KIAA1328: variants seen among roughly 807,000 people sequenced by gnomAD.
KIAA1328 encodes protein hinderin.
In KIAA1328, 52 loss-of-function variants were observed where a neutral mutation model predicts 68.1. That is an observed-to-expected ratio of 0.76 (90% CI 0.61 to 0.96). The LOEUF (loss-of-function observed/expected upper bound fraction) is 0.96, where lower values mean the gene tolerates loss of function less well. Among genes scored for constraint, KIAA1328 ranks in the 40% least tolerant of loss-of-function variants. The probability of loss-of-function intolerance (pLI) is 0.00; values close to 1 mark genes in which losing one functional copy is unlikely to be tolerated. For synonymous variants in KIAA1328, 232 were observed against 239.4 expected (o/e 0.97, Z 0.28); for missense variants, 641 against 677.6 (o/e 0.95, Z 0.60).
intron 7 of KIAA1328, among the ~76,000 whole-genome samples, chr18:37,128,961 T>C (rs150400921): frequency 6.6e-6 from 1 of 152,230 alleles, no homozygotes; most frequent in African/African-American, 2.4e-5. Context: ...AAAGCAAAAC[T>C]ATGCAGACAG....
intron 9 of KIAA1328, among the ~76,000 whole-genome samples, chr18:37,218,992 T>C (rs1406644894): frequency 6.6e-6 from 1 of 152,058 alleles, no homozygotes; most frequent in Non-Finnish European, 1.5e-5. Context: ...ACAGATGGGG[T>C]TTTGGTGTTG....
intron 5 of KIAA1328, among the ~76,000 whole-genome samples, chr18:36,887,687 G>A (rs1004893667): frequency 2.0e-5 from 3 of 152,158 alleles, no homozygotes; most frequent in African/African-American, 7.2e-5. Flanking sequence ...AAGAAAGTGA[G>A]CATTTAGCTT....
chr18:37,224,757 G>A lies in KIAA1328; in HGVS notation c.*2530G>A. 1.0e-6 allele frequency: 1 copy of A among 985,380 alleles called. No individual in the cohort carries two copies. Among genetic ancestry groups the A allele is most frequent in the Non-Finnish European group, 1.2e-6 (1 of 829,928 alleles). The allele number at this position is 985,380 out of a possible 1,614,324, so 61.0% of individuals were successfully genotyped here. ...TTGGGATTTGCTCGTCCAGCCTCTAGACACTTCCCAAAGCAAGACTGGACA... is the reference window on the plus strand; with the variant it reads ...TTGGGATTTGCTCGTCCAGCCTCTAAACACTTCCCAAAGCAAGACTGGACA... On this transcript the variant is annotated 3_prime_UTR_variant, in exon 10 of 10. Coordinates refer to ENST00000280020, the MANE Select transcript of KIAA1328 (RefSeq NM_020776.3).
intron 9 of KIAA1328, among the ~76,000 whole-genome samples, chr18:37,196,807 A>G (rs1200317287): frequency 6.6e-6 from 1 of 151,834 alleles, no homozygotes; most frequent in Non-Finnish European, 1.5e-5. Flanking sequence ...TACTGTAAAT[A>G]TTTTCTCATC....
chr18:37,179,255 A>T (rs903077946), intron 9 of KIAA1328, among the ~76,000 whole-genome samples: 1 of 152,126 alleles, frequency 6.6e-6, no homozygotes, highest in East Asian at 1.9e-4. Context: ...ATCTGATGAG[A>T]GATAGGGAGT....
intron 9 of KIAA1328, among the ~76,000 whole-genome samples, chr18:37,184,625 G>A (rs1047787014): frequency 6.6e-6 from 1 of 152,146 alleles, no homozygotes; most frequent in African/African-American, 2.4e-5. Context: ...TGCCTCCACA[G>A]CTCGCTAGCA....
chr18:37,154,927 T>C (rs2059121987), intron 7 of KIAA1328, among the ~76,000 whole-genome samples: 1 of 152,174 alleles, frequency 6.6e-6, no homozygotes, highest in Non-Finnish European at 1.5e-5. Flanking sequence ...TGACCTATAC[T>C]ACATTAATAT....
At chr18:36,978,370 A>G (rs1236545076) in intron 6 of KIAA1328, among the ~76,000 whole-genome samples, 12 of 152,218 alleles carry the variant, frequency 7.9e-5, no homozygotes. Flanking sequence ...AGTTGTTTGT[A>G]TAAACTGGTT....
chr18:37,088,117 T>G (rs1306248138), intron 7 of KIAA1328, among the ~76,000 whole-genome samples: 1 of 152,202 alleles, frequency 6.6e-6, no homozygotes, highest in East Asian at 1.9e-4. Flanking sequence ...TTACAGCATC[T>G]TTTCAACCCC....
At chr18:37,114,665 A>G (rs2058048113) in intron 7 of KIAA1328, among the ~76,000 whole-genome samples, 1 of 152,252 alleles carries the variant, frequency 6.6e-6, no homozygotes, top group Non-Finnish European at 1.5e-5. Context: ...AGATCAGAGC[A>G]GAACTGAAGG....
At chr18:37,154,151 A>C (rs1207135544) in intron 7 of KIAA1328, among the ~76,000 whole-genome samples, 2 of 152,198 alleles carry the variant, frequency 1.3e-5, no homozygotes. Flanking sequence ...AATCACCTAT[A>C]GAACTTTTTT....
intron 7 of KIAA1328, among the ~76,000 whole-genome samples, chr18:37,072,714 G>A (rs1479656971): frequency 2.0e-5 from 3 of 151,946 alleles, no homozygotes; most frequent in Non-Finnish European, 2.9e-5. Flanking sequence ...ATAGGTATAC[G>A]GGTACCATGG....
intron 4 of KIAA1328, among the ~76,000 whole-genome samples, chr18:36,855,779 ATATTTAAGTATT>A (rs2047362521): frequency 6.6e-6 from 1 of 151,640 alleles, no homozygotes; most frequent in African/African-American, 2.4e-5. Context: ...TTTAACTATT[ATATTTAAGTATT>A]TATTTAACTA....
At chr18:37,058,606 G>A (rs2056019048) in intron 6 of KIAA1328, among the ~76,000 whole-genome samples, 1 of 151,984 alleles carries the variant, frequency 6.6e-6, no homozygotes, top group South Asian at 2.1e-4. Context: ...CAACTACTTG[G>A]GAGGCTGAGG....
At chr18:36,989,389 C>T (rs8093641) in intron 6 of KIAA1328, among the ~76,000 whole-genome samples, 126 of 152,290 alleles carry the variant, frequency 8.3e-4, no homozygotes, top group African/African-American at 2.8e-3. Context: ...AGAATTCCTG[C>T]GTAAACTTAG....
chr18:36,889,899 TC>T (rs1206256313), intron 5 of KIAA1328, among the ~76,000 whole-genome samples: 2 of 152,208 alleles, frequency 1.3e-5, no homozygotes, highest in Admixed American at 6.5e-5. Context: ...AATTGGTCTT[TC>T]CTCTGCTTTA....
In KIAA1328 at chr18:36,987,351, G is replaced by C. The variant is rs1415007940; in HGVS notation, c.576+27916G>C. Among the ~76,000 whole-genome samples the C allele has an allele frequency of 1.4e-4, 21 of 146,578 alleles. No homozygotes were observed. In the South Asian group the frequency reaches 4.8e-3, roughly 34 times the overall value. On this transcript the variant is annotated intron_variant, in intron 6 of 9. Coordinates refer to ENST00000280020, the MANE Select transcript of KIAA1328 (RefSeq NM_020776.3). ...GGACTGTGGTGGGGTCGGGGGATGG[G>C]GGAGGGGTAGCATTGGGAGATATAC...
At chr18:37,199,017 T>A (rs1002879318) in intron 9 of KIAA1328, among the ~76,000 whole-genome samples, 1 of 152,224 alleles carries the variant, frequency 6.6e-6, no homozygotes, top group African/African-American at 2.4e-5. Flanking sequence ...AAAAGAAAGA[T>A]ATTTGGATTT....
In KIAA1328 at chr18:37,123,381, GA is replaced by G. The variant is rs1162384060; in HGVS notation, c.1233-36811del. ...ATGTAACCAAAACTTTTTAAAAAGT[GA>G]AAAAAAAGAGAAGCTTGATTTTCTG... On this transcript the variant is annotated intron_variant, in intron 7 of 9. Transcript: ENST00000280020. Among the ~76,000 whole-genome samples the G allele has an allele frequency of 4.6e-5, 7 of 151,378 alleles. No individual in the cohort carries two copies. The South Asian group carries it at 6.3e-4, about 14-fold the overall frequency.
Sources: gnomAD v4.1 joint callset for allele counts (sites outside exome capture counted in the v4.1 genomes callset) on GRCh38, gnomAD v4.1.1 for gene constraint, MANE v1.5 for transcripts, NCBI Gene and HGNC (gene_info 2026-07-23, HGNC 2026-07-21) for gene names.